Variants in TMEM53 observed in about 807,000 individuals in gnomAD.
TMEM53 encodes novel DUF829 domain-containing protein.
In TMEM53, 14 loss-of-function variants were observed where a neutral mutation model predicts 21.4. The observed-to-expected ratio is 0.65, with a 90% CI of 0.43 to 1.02. TMEM53 has a LOEUF of 1.02. Among genes scored for constraint, TMEM53 ranks in the 50% least tolerant of loss-of-function variants. The probability of loss-of-function intolerance (pLI) is 0.00; values close to 1 mark genes in which losing one functional copy is unlikely to be tolerated. For missense variants in TMEM53, 323 were observed against 383.6 expected (o/e 0.84, Z 1.32); for synonymous variants, 148 against 157.4 (o/e 0.94, Z 0.45).
rs766200904 is a variant in TMEM53 at position 44,655,746 on chromosome 1, C to G, written c.184-537G>C. Among the ~76,000 whole-genome samples, 3 of 152,162 alleles carry G rather than the reference C, an allele frequency of 2.0e-5. No individual in the cohort carries two copies. Among genetic ancestry groups the G allele is most frequent in the Non-Finnish European group, 4.4e-5 (3 of 68,036 alleles). ...CTGACCACCAGAGGCCACTTCTGAG[C>G]CAGGCCCACATCACTTTCATCACTG... On this transcript the variant is annotated intron_variant, in intron 2 of 2. Transcript: ENST00000372237. This position sits in a 1 kb window ranked among gnomAD's most constrained non-coding sequence, Gnocchi z 4.4.
intron 1 of TMEM53, among the ~76,000 whole-genome samples, chr1:44,671,888 C>T (rs1201022077): frequency 6.6e-6 from 1 of 152,176 alleles, no homozygotes; most frequent in Non-Finnish European, 1.5e-5. Context: ...GAGATCGTGC[C>T]ACTGCACTCC....
chr1:44,663,862 G>A (rs1644923115), intron 1 of TMEM53, among the ~76,000 whole-genome samples: 1 of 152,194 alleles, frequency 6.6e-6, no homozygotes, highest in Non-Finnish European at 1.5e-5. Flanking sequence ...ACTATTGTAA[G>A]CATTTTACAT....
Position 44,654,329 on chromosome 1 carries a change from T to C in TMEM53, c.*230A>G, listed in dbSNP as rs1644827050. 5 of 532,730 alleles carry C rather than the reference T, an allele frequency of 9.4e-6. No individual in the cohort carries two copies. The highest frequency in any genetic ancestry group is 1.7e-5 in the Non-Finnish European group (5 of 300,358). The allele number at this position is 532,730 out of a possible 1,614,324, so 33.0% of individuals were successfully genotyped here. On this transcript the variant is annotated 3_prime_UTR_variant, in exon 3 of 3. Transcript: ENST00000372237. This position sits in a 1 kb window ranked among gnomAD's most constrained non-coding sequence, Gnocchi z 7.0. ...GTCCAAACACAACTGACTGCAAGGC[T>C]CCCACAGACACATGCCCAGGCACTC...
chr1:44,662,729 G>A (rs1418388047), intron 1 of TMEM53, among the ~76,000 whole-genome samples: 1 of 151,530 alleles, frequency 6.6e-6, no homozygotes, highest in Non-Finnish European at 1.5e-5. Flanking sequence ...ACCAGCAAAG[G>A]GCTTTGGGAT....
rs201350890 is a variant in TMEM53, at chr1:44,654,507, G to A, written c.*52C>T. On this transcript the variant is annotated 3_prime_UTR_variant, in exon 3 of 3. Transcript: ENST00000372237. This position sits in a 1 kb window ranked among gnomAD's most constrained non-coding sequence, Gnocchi z 7.0. ...AGTGCCCGACAGATTGCAGGTTGTGGGGAGGTGTCAGGCATTTATTTCTGG... is the reference window on the plus strand; with the variant it reads ...AGTGCCCGACAGATTGCAGGTTGTGAGGAGGTGTCAGGCATTTATTTCTGG... The A allele has an allele frequency of 1.8e-3, 2,799 of 1,564,230 alleles. 7 individuals carry two copies. The highest frequency in any genetic ancestry group is 2.1e-3 in the Non-Finnish European group (2,441 of 1,150,614).
intron 1 of TMEM53, among the ~76,000 whole-genome samples, chr1:44,672,862 C>A (rs374268982): frequency 6.6e-6 from 1 of 152,076 alleles, no homozygotes; most frequent in Non-Finnish European, 1.5e-5. Flanking sequence ...CACATCCAAA[C>A]GCTACCTCGT....
chr1:44,664,415 G>C (rs958764401), intron 1 of TMEM53, among the ~76,000 whole-genome samples: 1 of 149,360 alleles, frequency 6.7e-6, no homozygotes, highest in Non-Finnish European at 1.5e-5. Context: ...TCGCGCCATT[G>C]CACTCCAGCC....
intron 1 of TMEM53, among the ~76,000 whole-genome samples, chr1:44,661,816 C>A (rs1644904586): frequency 6.6e-6 from 1 of 152,236 alleles, no homozygotes; most frequent in Non-Finnish European, 1.5e-5. Context: ...CTAAGAGGCA[C>A]AAACCAGCCG....
chr1:44,671,910 C>T (rs915945008), intron 1 of TMEM53, among the ~76,000 whole-genome samples: 3 of 152,144 alleles, frequency 2.0e-5, no homozygotes, highest in Non-Finnish European at 4.4e-5. Context: ...GCCTGGGCGA[C>T]AGAGTTAGAC....
chr1:44,656,151 C>T (rs75352689), intron 2 of TMEM53, among the ~76,000 whole-genome samples: 34,717 of 152,062 alleles, frequency 0.23, 5,272 homozygotes, highest in Middle Eastern at 0.35. Flanking sequence ...GGTTCAACTC[C>T]TGGCACCACT....
At chr1:44,673,963 C>G (rs1015671364) in intron 1 of TMEM53, 19 of 985,332 alleles carry the variant, frequency 1.9e-5, no homozygotes, top group Non-Finnish European at 2.2e-5. Flanking sequence ...AAGTGATAGG[C>G]TAGATGTGGG....
chr1:44,670,161 C>T (rs1181181519), intron 1 of TMEM53, among the ~76,000 whole-genome samples: 1 of 63,272 alleles, frequency 1.6e-5, no homozygotes, highest in Non-Finnish European at 3.0e-5. Flanking sequence ...AATACAACTC[C>T]TCTGTATTAA....
chr1:44,660,329 C>A (rs756635775), intron 1 of TMEM53, 34 bp from the exon 2 acceptor site: 1 of 1,582,472 alleles, frequency 6.3e-7, no homozygotes, highest in Non-Finnish European at 8.6e-7. Context: ...AACACCAGAG[C>A]TGGGGTGGGG....
chr1:44,669,797 ATTTTTTTTT>A (rs35923018), intron 1 of TMEM53, among the ~76,000 whole-genome samples: 1 of 135,174 alleles, frequency 7.4e-6, no homozygotes, highest in African/African-American at 2.8e-5. Context: ...AAAGCATCCT[ATTTTTTTTT>A]TTTTTTTTTG....
intron 1 of TMEM53, among the ~76,000 whole-genome samples, chr1:44,670,017 C>T (rs1644985328): frequency 1.3e-5 from 2 of 151,814 alleles, no homozygotes; most frequent in Non-Finnish European, 2.9e-5. Flanking sequence ...AGGCTAGTCT[C>T]GAACTCCTGA....
In TMEM53 at chr1:44,671,983, C is replaced by T. The variant is rs142139616; in HGVS notation, c.61+2348G>A. Among the ~76,000 whole-genome samples, 5 of 152,316 alleles carry T rather than the reference C, an allele frequency of 3.3e-5. No homozygotes were observed. The East Asian group carries it at 9.6e-4, about 29-fold the overall frequency. ...AGAAACTAAATATGAATGTCCTATA[C>T]ACTTCTCCACCATTAAACAGTAATT... On this transcript the variant is annotated intron_variant, in intron 1 of 2. Coordinates refer to ENST00000372237, the MANE Select transcript of TMEM53 (RefSeq NM_024587.4).
chr1:44,655,371 G>A lies in TMEM53; in HGVS notation c.184-162C>T, dbSNP rs1557490459. Among the ~76,000 whole-genome samples the A allele has an allele frequency of 6.6e-6, 1 of 152,152 alleles. No individual in the cohort carries two copies. The highest frequency in any genetic ancestry group is 6.5e-5 in the Admixed American group (1 of 15,276). The stretch of plus-strand genomic sequence containing the variant: ...TGCTTCAGCCTGAGCCCACCAGCCC[G>A]CTGCCCACAGACACAGGTGCCTTCT... On this transcript the variant is annotated intron_variant, in intron 2 of 2. Coordinates refer to ENST00000372237, the MANE Select transcript of TMEM53 (RefSeq NM_024587.4). The surrounding 1 kb of genome is among the most constrained non-coding windows in gnomAD (Gnocchi z 4.4).
At chr1:44,673,204 C>T (rs1242194876) in intron 1 of TMEM53, among the ~76,000 whole-genome samples, 3 of 152,244 alleles carry the variant, frequency 2.0e-5, no homozygotes, top group African/African-American at 7.2e-5. Context: ...TGGTCTGGGG[C>T]CATCTGTTCT....
chr1:44,673,560 C>A (rs1374383215), intron 1 of TMEM53, among the ~76,000 whole-genome samples: 1 of 152,190 alleles, frequency 6.6e-6, no homozygotes, highest in Admixed American at 6.5e-5. Context: ...GGCCTGCTGT[C>A]AATCCTAATT....
Sources: gnomAD v4.1 joint callset for allele counts (sites outside exome capture counted in the v4.1 genomes callset) on GRCh38, gnomAD v4.1.1 for gene constraint, Gnocchi (gnomAD v3.1) non-coding constraint, MANE v1.5 for transcripts, NCBI Gene and HGNC (gene_info 2026-07-23, HGNC 2026-07-21) for gene names.